Variants in UGGT1 observed in about 807,000 individuals in gnomAD.
UGGT1 encodes UDP-glucose:glycoprotein glucosyltransferase 1.
A neutral mutation model predicts 203.9 loss-of-function variants in UGGT1; 107 were observed. That is an observed-to-expected ratio of 0.52 (90% CI 0.45 to 0.62). The LOEUF is 0.62. Ranked by LOEUF, UGGT1 falls within the 20% of genes least tolerant of loss-of-function variation. UGGT1 has a pLI of 0.00. For synonymous variants in UGGT1, 628 were observed against 653.5 expected (o/e 0.96, Z 0.59); for missense variants, 1,673 against 1,867.2 (o/e 0.90, Z 1.92).
At chr2:128,111,115 G>C (rs927363242) in intron 5 of UGGT1, among the ~76,000 whole-genome samples, 2 of 152,196 alleles carry the variant, frequency 1.3e-5, no homozygotes, top group African/African-American at 2.4e-5. Context: ...CACTTTGGCA[G>C]GCTGAGGCAG....
intron 32 of UGGT1, 40 bp from the exon 33 acceptor site, chr2:128,177,792 G>T (rs372350546): frequency 1.3e-6 from 2 of 1,530,858 alleles, no homozygotes; most frequent in Non-Finnish European, 1.8e-6. Context: ...TTATGCCTGT[G>T]AGACATACTG....
At chr2:128,097,689 T>C (rs569811827) in intron 2 of UGGT1, 125 bp downstream of exon 2, 3 of 1,243,622 alleles carry the variant, frequency 2.4e-6, no homozygotes, top group African/African-American at 3.0e-5. Context: ...CCTCTTTCAG[T>C]GTATACTGTA....
At chr2:128,105,412 C>T (rs1464115031) in intron 3 of UGGT1, among the ~76,000 whole-genome samples, 1 of 151,718 alleles carries the variant, frequency 6.6e-6, no homozygotes, top group African/African-American at 2.4e-5. Context: ...TCCTAGGGCT[C>T]AAGCGATCCT....
intron 1 of UGGT1, among the ~76,000 whole-genome samples, chr2:128,095,065 T>C (rs1304438274): frequency 6.6e-6 from 1 of 152,152 alleles, no homozygotes; most frequent in Non-Finnish European, 1.5e-5. Flanking sequence ...AAGAGAATTC[T>C]TAAGTTGTAC....
Position 128,160,544 on chromosome 2 carries a change from G to A in UGGT1, c.2647G>A (p.Val883Ile), listed in dbSNP as rs201393910. 231 of 1,613,456 alleles carry A rather than the reference G, an allele frequency of 1.4e-4. No homozygotes were observed. Among genetic ancestry groups the A allele is most frequent in the Middle Eastern group, 1.6e-4 (1 of 6,078 alleles). ...ILSHAVYCRD[V>I]LKLKKGQRAV... ...GTCTCATGCCGTGTACTGCAGGGAT[G>A]TTCTGAAGCTGAAGAAGGGACAGAG... The change falls in exon 24 of 41, where the codon GTT becomes ATT. Residue 883 changes from valine to isoleucine, a missense_variant. Val to Ile is a conservative substitution (Grantham distance 29). Around this residue, in one of 4 missense-constraint regions of UGGT1, gnomAD observed 1,073 missense variants for 1,078.7 expected, o/e 0.99. Transcript: ENST00000259253.
chr2:128,187,361 G>A, intron 39 of UGGT1, 88 bp from the exon 40 acceptor site: 1 of 1,443,390 alleles, frequency 6.9e-7, no homozygotes, highest in Non-Finnish European at 9.3e-7. Context: ...TTCTTGTCCA[G>A]TTAGGACTTG....
chr2:128,136,452 C>T (rs1689133538), intron 15 of UGGT1, among the ~76,000 whole-genome samples: 1 of 149,486 alleles, frequency 6.7e-6, no homozygotes, highest in Non-Finnish European at 1.5e-5. Flanking sequence ...AACTAGGTTG[C>T]AGTCATACGG....
At chr2:128,137,059 T>C (rs895240254) in intron 15 of UGGT1, among the ~76,000 whole-genome samples, 4 of 152,256 alleles carry the variant, frequency 2.6e-5, no homozygotes, top group African/African-American at 9.6e-5. Flanking sequence ...TTCTTCTTTT[T>C]TTCCCCCTGC....
intron 22 of UGGT1, among the ~76,000 whole-genome samples, chr2:128,157,714 G>A (rs1333161052): frequency 2.0e-5 from 3 of 152,184 alleles, no homozygotes; most frequent in Admixed American, 6.5e-5. Flanking sequence ...GGACATGGGG[G>A]CAGTAGCACA....
chr2:128,161,100 C>G, intron 24 of UGGT1, 38 bp from the exon 25 acceptor site: 3 of 1,608,638 alleles, frequency 1.9e-6, no homozygotes, highest in Admixed American at 1.7e-5. Context: ...TGCAGGCAGC[C>G]TTCCAGAGCT....
At position 128,187,625 on chromosome 2, in the gene UGGT1, A is replaced by G; in HGVS notation, c.4642+11A>G. 6.2e-7 allele frequency: 1 copy of G among 1,606,568 alleles called. No individual in the cohort carries two copies. On this transcript the variant is annotated intron_variant, in intron 40 of 40. Transcript: ENST00000259253. ...AACCAAGCCGAGAAGGTAAGCACAA[A>G]CCGTTGGTTTTAGGACAGTACTTCT...
chr2:128,150,525 TACTACTC>T (rs1689897629), intron 18 of UGGT1, among the ~76,000 whole-genome samples: 1 of 152,034 alleles, frequency 6.6e-6, no homozygotes, highest in Non-Finnish European at 1.5e-5. Flanking sequence ...CCCTGTGCTG[TACTACTC>T]ATGATTTCTT....
chr2:128,171,370 T>C, intron 28 of UGGT1, 86 bp downstream of exon 28: 1 of 1,240,780 alleles, frequency 8.1e-7, no homozygotes, highest in Non-Finnish European at 1.1e-6. Flanking sequence ...CAGATGGATT[T>C]ATAGGTGGAC....
chr2:128,125,941 ACTT>A (rs1469720380), intron 11 of UGGT1, among the ~76,000 whole-genome samples: 2 of 139,048 alleles, frequency 1.4e-5, no homozygotes, highest in Admixed American at 1.5e-4. Context: ...ATAAATATAT[ACTT>A]TTTTTTTTTT....
At chr2:128,183,552 G>A in intron 37 of UGGT1, 123 bp from the exon 38 acceptor site, 2 of 667,170 alleles carry the variant, frequency 3.0e-6, no homozygotes, top group Non-Finnish European at 5.3e-6. Flanking sequence ...CTGTAGGGCT[G>A]TAGCATACCT....
Position 128,174,795 on chromosome 2 carries a change from A to G in UGGT1, c.3476A>G (p.Asn1159Ser), listed in dbSNP as rs1423571970. Residue 1159 changes from asparagine to serine, a missense_variant, in exon 31 of 41, where the codon AAC (asparagine) becomes AGC (serine). Physicochemically the swap from Asn to Ser is conservative, Grantham distance 46. This residue lies in a region of UGGT1 where 513 missense variants were observed against 684.1 expected (regional missense o/e 0.75). Transcript: ENST00000259253. ...TAGGGCTACTTTCAGCTGAAAGCCA[A>G]CCCAGGAGCTTGGATCCTCAGACTT... is the stretch of plus-strand genomic sequence containing the variant. ...ANLGYFQLKA[N>S]PGAWILRLRK... is the part of the protein sequence containing the mutation. 4.3e-6 allele frequency: 7 copies of G among 1,614,024 alleles called. No individual in the cohort carries two copies. Among genetic ancestry groups the G allele is most frequent in the Non-Finnish European group, 5.9e-6 (7 of 1,179,954 alleles).
rs1689924347 is a variant in UGGT1 at position 128,150,808 on chromosome 2, A to G, written c.2017-1976A>G. ...AATATGAATGAAATCAAGGGTCACC[A>G]TCTCCTCAGGCACAAGGCACAGCTT... On this transcript the variant is annotated intron_variant, in intron 18 of 40. Transcript: ENST00000259253. Among the ~76,000 whole-genome samples, 7 of 152,064 alleles carry G rather than the reference A, an allele frequency of 4.6e-5. No individual in the cohort carries two copies. In the South Asian group the frequency reaches 1.5e-3, roughly 32 times the overall value.
At chr2:128,178,630 G>A in intron 34 of UGGT1, 61 bp downstream of exon 34, 7 of 1,465,148 alleles carry the variant, frequency 4.8e-6, no homozygotes, top group Non-Finnish European at 6.6e-6. Context: ...TTCTTATTTA[G>A]AGAGGAAAGG....
intron 4 of UGGT1, 26 bp downstream of exon 4, chr2:128,108,094 G>A (rs776031893): frequency 6.2e-7 from 1 of 1,613,362 alleles, no homozygotes; most frequent in South Asian, 1.1e-5. Context: ...TTAAAGAACA[G>A]CATTTTAGAG....
Sources: allele counts gnomAD v4.1 joint callset (sites outside exome capture counted in the v4.1 genomes callset), GRCh38; gene constraint gnomAD v4.1.1; regional missense constraint gnomAD v4.1.1; transcripts MANE v1.5; gene names NCBI Gene and HGNC (gene_info 2026-07-23, HGNC 2026-07-21).